The following ANKS1B variants were observed in gnomAD, a reference collection of about 807,000 sequenced individuals.
ANKS1B encodes ankyrin repeat and sterile alpha motif domain containing 1B, also known as ankyrin repeat and sterile alpha motif domain-containing protein 1B.
A neutral mutation model predicts 148.3 loss-of-function variants in ANKS1B; 36 were observed. The observed-to-expected ratio is 0.24, with a 90% confidence interval of 0.19 to 0.32. The LOEUF (loss-of-function observed/expected upper bound fraction) is 0.32, where lower values mean the gene tolerates loss of function less well. ANKS1B is among the 10% of genes least tolerant of loss of function. ANKS1B has a pLI of 1.00. For missense variants in ANKS1B, 1,157 were observed against 1,542.6 expected, an observed-to-expected ratio of 0.75 and a Z score of 4.19; for synonymous variants, 542 against 560.8, an observed-to-expected ratio of 0.97 and a Z score of 0.47.
chr12:98,843,565 A>G (rs896001336), intron 17 of ANKS1B, among the ~76,000 whole-genome samples: 1 of 152,218 alleles, frequency 6.6e-6, no homozygotes, highest in African/African-American at 2.4e-5. Flanking sequence ...ATAGCAACAC[A>G]AAACAGACTA....
intron 24 of ANKS1B, 59 bp from the exon 25 acceptor site, chr12:98,773,238 C>T (rs1173476424): frequency 6.5e-7 from 1 of 1,528,186 alleles, no homozygotes; most frequent in African/African-American, 1.4e-5. Context: ...TATATGACAA[C>T]CAAGACAAGT....
At chr12:98,927,039 A>C (rs1457826174) in intron 17 of ANKS1B, among the ~76,000 whole-genome samples, 1 of 152,164 alleles carries the variant, frequency 6.6e-6, no homozygotes, top group Non-Finnish European at 1.5e-5. Flanking sequence ...CAAGTAGGGC[A>C]AACTCAAAGA....
intron 17 of ANKS1B, among the ~76,000 whole-genome samples, chr12:98,861,442 C>G (rs11109631): frequency 0.026 from 3,999 of 152,254 alleles, 117 homozygotes; most frequent in East Asian, 0.089. Flanking sequence ...GATGGCTCTC[C>G]TACTGTGTGG....
At chr12:99,108,821 G>C (rs1318826372) in intron 15 of ANKS1B, among the ~76,000 whole-genome samples, 3 of 152,106 alleles carry the variant, frequency 2.0e-5, no homozygotes, top group Non-Finnish European at 4.4e-5. Context: ...GACACTTTAT[G>C]GGCATAATAG....
At chr12:99,257,230 C>T (rs540949374) in intron 12 of ANKS1B, among the ~76,000 whole-genome samples, 15 of 151,580 alleles carry the variant, frequency 9.9e-5, no homozygotes, top group African/African-American at 2.7e-4. Context: ...GGCAACACAG[C>T]GAGACTCCGT....
intron 1 of ANKS1B, among the ~76,000 whole-genome samples, chr12:99,954,644 C>T (rs2095285865): frequency 6.6e-6 from 1 of 152,188 alleles, no homozygotes; most frequent in Non-Finnish European, 1.5e-5. Context: ...CTAACAGCAG[C>T]CACTTGATTC....
At chr12:99,635,933 G>A (rs536558468) in intron 9 of ANKS1B, among the ~76,000 whole-genome samples, 45 of 152,016 alleles carry the variant, frequency 3.0e-4, no homozygotes, top group African/African-American at 1.0e-3. Context: ...AAAACTATAC[G>A]AAGAAAATAA....
chr12:99,543,062 C>T (rs971819334), intron 9 of ANKS1B, among the ~76,000 whole-genome samples: 4 of 151,920 alleles, frequency 2.6e-5, no homozygotes, highest in South Asian at 2.1e-4. Context: ...ACTAGGAGAA[C>T]GTATTTAAAA....
intron 9 of ANKS1B, among the ~76,000 whole-genome samples, chr12:99,545,207 CT>C (rs1388524287): frequency 2.0e-5 from 3 of 152,246 alleles, no homozygotes; most frequent in African/African-American, 7.2e-5. Flanking sequence ...CGAAATTAGA[CT>C]TCTTGCTTTT....
At chr12:99,835,859 T>C (rs1349187985) in intron 1 of ANKS1B, among the ~76,000 whole-genome samples, 1 of 152,142 alleles carries the variant, frequency 6.6e-6, no homozygotes, top group African/African-American at 2.4e-5. Flanking sequence ...TTGATCTGTG[T>C]TACAAACCAC....
At chr12:98,800,285 G>A (rs1466752335) in intron 21 of ANKS1B, among the ~76,000 whole-genome samples, 1 of 150,976 alleles carries the variant, frequency 6.6e-6, no homozygotes, top group East Asian at 1.9e-4. Flanking sequence ...TCAAATGAAG[G>A]TGAAATTTAT....
chr12:99,414,821 T>C (rs1246914150), intron 11 of ANKS1B, among the ~76,000 whole-genome samples: 1 of 152,178 alleles, frequency 6.6e-6, no homozygotes, highest in Non-Finnish European at 1.5e-5. Flanking sequence ...TTCCAGAGAG[T>C]ATAAATGGGT....
At chr12:99,065,567 T>C (rs976221330) in intron 16 of ANKS1B, among the ~76,000 whole-genome samples, 1 of 151,784 alleles carries the variant, frequency 6.6e-6, no homozygotes, top group Non-Finnish European at 1.5e-5. Context: ...GTTACAAAAA[T>C]GAGGACCTAC....
At chr12:99,440,456 A>G (rs2095531492) in intron 11 of ANKS1B, among the ~76,000 whole-genome samples, 2 of 151,762 alleles carry the variant, frequency 1.3e-5, no homozygotes, top group Non-Finnish European at 2.9e-5. Context: ...AAGTAGAAAA[A>G]TTCAGGCTTG....
intron 8 of ANKS1B, among the ~76,000 whole-genome samples, chr12:99,674,749 A>G (rs1195688061): frequency 6.6e-6 from 1 of 151,878 alleles, no homozygotes; most frequent in East Asian, 1.9e-4. Flanking sequence ...AGTAGTAAAT[A>G]TAATAGAAGA....
intron 8 of ANKS1B, among the ~76,000 whole-genome samples, chr12:99,730,082 C>T (rs1382744583): frequency 1.3e-5 from 2 of 152,198 alleles, no homozygotes; most frequent in Non-Finnish European, 2.9e-5. Context: ...TCTCTGACCA[C>T]GTCCAACTGT....
chr12:98,890,813 A>C (rs970839439), intron 17 of ANKS1B, among the ~76,000 whole-genome samples: 8 of 152,176 alleles, frequency 5.3e-5, no homozygotes, highest in Non-Finnish European at 8.8e-5. Context: ...CACAAAACCT[A>C]GCCCCGTCCC....
chr12:99,867,656 G>A (rs370333439), intron 1 of ANKS1B, among the ~76,000 whole-genome samples: 19 of 152,146 alleles, frequency 1.2e-4, no homozygotes, highest in South Asian at 8.3e-4. Flanking sequence ...CTCTCCCACC[G>A]GGTACCTCAC....
At chr12:99,538,041 A>C (rs997453163) in intron 9 of ANKS1B, among the ~76,000 whole-genome samples, 3 of 152,038 alleles carry the variant, frequency 2.0e-5, no homozygotes, top group African/African-American at 4.8e-5. Flanking sequence ...TGTTCTTGGC[A>C]CTTTTGTCAA....
Sources: allele counts gnomAD v4.1 joint callset (sites outside exome capture counted in the v4.1 genomes callset), GRCh38; gene constraint gnomAD v4.1.1; transcripts MANE v1.5; gene names NCBI Gene and HGNC (gene_info 2026-07-23, HGNC 2026-07-21).